The following C14orf39 variants were observed in gnomAD, a reference collection of about 807,000 sequenced individuals.
The protein encoded by C14orf39 is protein SIX6OS1.
A neutral mutation model predicts 85.6 loss-of-function variants in C14orf39; 66 were observed. The observed-to-expected ratio is 0.77, with a 90% CI of 0.63 to 0.95. The LOEUF (loss-of-function observed/expected upper bound fraction) is 0.95, where lower values mean the gene tolerates loss of function less well. C14orf39 is among the 40% of genes least tolerant of loss of function. C14orf39 has a pLI of 0.00. For missense variants in C14orf39, 735 were observed against 663.9 expected (o/e 1.11, Z -1.18); for synonymous variants, 242 against 214.0 (o/e 1.13, Z -1.14).
In C14orf39 at chr14:60,467,036, C is replaced by A; in HGVS notation, c.776G>T (p.Gly259Val). The A allele has an allele frequency of 7.5e-7, 1 of 1,338,996 alleles. No homozygotes were observed. The highest frequency in any genetic ancestry group is 9.8e-7 in the Non-Finnish European group (1 of 1,015,874). The allele number at this position is 1,338,996 out of a possible 1,614,324, so 82.9% of individuals were successfully genotyped here. A position where few individuals can be genotyped will look rare whatever the true frequency, so the allele number is the denominator to read the frequency against. Reference sequence around the variant, plus strand: ...CAATGTAAGTACATGCTCATCTTTTCCAAAAATTCTAAAGAGAAAGGTGAA... The same window carrying A: ...CAATGTAAGTACATGCTCATCTTTTACAAAAATTCTAAAGAGAAAGGTGAA... ...NRKELKERIF[G>V]KDEHVLTLNK... Residue 259 changes from glycine to valine, a missense_variant, in exon 10 of 18, where the codon GGA (glycine) becomes GTA (valine). By Grantham distance (109) the Gly-to-Val change is moderately radical. Coordinates refer to ENST00000321731, the MANE Select transcript of C14orf39 (RefSeq NM_174978.3).
At chr14:60,478,595 A>C (rs1036383822) in intron 4 of C14orf39, among the ~76,000 whole-genome samples, 7 of 152,192 alleles carry the variant, frequency 4.6e-5, no homozygotes, top group Admixed American at 3.3e-4. Flanking sequence ...ATCAATATTC[A>C]TGAATTTTTA....
At chr14:60,454,631 T>C (rs1215524940) in intron 16 of C14orf39, among the ~76,000 whole-genome samples, 1 of 152,038 alleles carries the variant, frequency 6.6e-6, no homozygotes, top group Non-Finnish European at 1.5e-5. Flanking sequence ...GTGATAATGC[T>C]ACTATGTATA....
chr14:60,475,343 G>T (rs898571560), intron 5 of C14orf39, among the ~76,000 whole-genome samples: 3 of 151,532 alleles, frequency 2.0e-5, no homozygotes, highest in Non-Finnish European at 4.4e-5. Flanking sequence ...TCAAAAAACC[G>T]GCTCCTACAC....
At chr14:60,503,773 A>G (rs1893173154) in intron 1 of C14orf39, among the ~76,000 whole-genome samples, 1 of 152,252 alleles carries the variant, frequency 6.6e-6, no homozygotes. Flanking sequence ...AATTTTAAGA[A>G]AAAACAAAAT....
Position 60,458,684 on chromosome 14 carries a change from A to C in C14orf39, c.1173T>G (p.Thr391=). 1 of 1,599,502 alleles carries C rather than the reference A, an allele frequency of 6.3e-7. No individual in the cohort carries two copies. Residue 391 remains threonine (T), a synonymous_variant, in exon 14 of 18, where the codon ACT becomes ACG. Transcript: ENST00000321731. ...GATCAAACATTTGACTTACTTGTGA[A>C]GTACATTTTGATTCTCTTACTTGTC... ...TVRQVRESKC[T]SQAIYTEHFG...
rs921859493 is a variant in C14orf39, at chr14:60,484,001, C to T, written c.107-184G>A. 6.6e-6 allele frequency among the ~76,000 whole-genome samples: 1 copy of T among 152,072 alleles called. No homozygotes were observed. On this transcript the variant is annotated intron_variant, in intron 3 of 17. Transcript: ENST00000321731. The surrounding 1 kb of genome is among the most constrained non-coding windows in gnomAD (Gnocchi z 4.2). ...GCAGAGAACCAGGGCCAGGCCTGATCCTAGAGCCAGAAGCTAAGAAGATTT... is the reference window on the plus strand; with the variant it reads ...GCAGAGAACCAGGGCCAGGCCTGATTCTAGAGCCAGAAGCTAAGAAGATTT...
chr14:60,509,250 C>A, intron 1 of C14orf39: 3 of 702,638 alleles, frequency 4.3e-6, no homozygotes, highest in East Asian at 2.7e-5. Context: ...CGCTCCCGGC[C>A]GTTGAGCCAC....
intron 16 of C14orf39, among the ~76,000 whole-genome samples, chr14:60,452,952 T>C (rs2140060329): frequency 6.6e-6 from 1 of 152,268 alleles, no homozygotes; most frequent in Non-Finnish European, 1.5e-5. Flanking sequence ...TTTAAATTCA[T>C]TAAGACTCAT....
chr14:60,437,918 T>C (rs377701173), intron 17 of C14orf39, among the ~76,000 whole-genome samples: 65 of 151,868 alleles, frequency 4.3e-4, no homozygotes, highest in African/African-American at 1.5e-3. Flanking sequence ...GGAAAAATAC[T>C]GTTTTTCACT....
chr14:60,466,793 T>G, intron 10 of C14orf39, 124 bp downstream of exon 10: 6 of 615,902 alleles, frequency 9.7e-6, no homozygotes, highest in Non-Finnish European at 1.4e-5. Flanking sequence ...AGTACTCTCT[T>G]GAGTTTATAG....
At chr14:60,514,298 A>G (rs933043582) in intron 1 of C14orf39, among the ~76,000 whole-genome samples, 1 of 152,176 alleles carries the variant, frequency 6.6e-6, no homozygotes, top group East Asian at 1.9e-4. Context: ...TCTCTATATA[A>G]TGGGTTTCCT....
At chr14:60,492,218 C>T (rs1893000371) in intron 2 of C14orf39, among the ~76,000 whole-genome samples, 1 of 152,196 alleles carries the variant, frequency 6.6e-6, no homozygotes, top group Non-Finnish European at 1.5e-5. Context: ...TAAAGACCTT[C>T]CACAGGAAGA....
At chr14:60,451,742 C>T (rs534568836) in intron 16 of C14orf39, among the ~76,000 whole-genome samples, 3 of 151,390 alleles carry the variant, frequency 2.0e-5, no homozygotes, top group Non-Finnish European at 4.4e-5. Context: ...ATGTAAATGA[C>T]GAGTTAATGG....
At chr14:60,471,522 A>T (rs771102171) in intron 6 of C14orf39, 30 bp downstream of exon 6, 32 of 1,572,286 alleles carry the variant, frequency 2.0e-5, no homozygotes, top group Middle Eastern at 3.5e-4. Flanking sequence ...AGATATCATA[A>T]TTAAAACAAT....
chr14:60,471,634 T>C lies in C14orf39; in HGVS notation c.429A>G (p.Arg143=). The C allele has an allele frequency of 6.2e-7, 1 of 1,611,190 alleles. No individual in the cohort carries two copies. ...PFSREYYEKK[R]EHEEIQSRVL... ...CTCTGCTTTGAATTTCTTCATGTTC[T>C]CTTTTCTTCTCATAATATTCACGTG... is the stretch of plus-strand genomic sequence containing the variant. Residue 143 remains arginine, a synonymous_variant, in exon 6 of 18, where the codon AGA becomes AGG. Coordinates refer to ENST00000321731, the MANE Select transcript of C14orf39 (RefSeq NM_174978.3).
At position 60,458,749 on chromosome 14, in the gene C14orf39, T is replaced by A; in HGVS notation, c.1118-10A>T. The A allele has an allele frequency of 6.3e-7, 1 of 1,581,812 alleles. No individual in the cohort carries two copies. Among genetic ancestry groups the A allele is most frequent in the Admixed American group, 1.8e-5 (1 of 56,576 alleles). On this transcript the variant is annotated splice_polypyrimidine_tract_variant and intron_variant, in intron 13 of 17. Transcript: ENST00000321731. ...TCTCCATACTCAGCATCTGTTGTCA[T>A]ATGAGAACAAACTATTTTTCTTTTT...
chr14:60,458,182 C>T (rs1159835935), intron 14 of C14orf39, among the ~76,000 whole-genome samples: 2 of 151,868 alleles, frequency 1.3e-5, no homozygotes, highest in Admixed American at 6.6e-5. Context: ...GGCTGTAAGC[C>T]GTAGTCACCA....
chr14:60,446,565 C>A (rs1429172957), intron 16 of C14orf39, among the ~76,000 whole-genome samples: 1 of 152,104 alleles, frequency 6.6e-6, no homozygotes, highest in Non-Finnish European at 1.5e-5. Context: ...TAATAGCCTA[C>A]CAACCAAAAA....
intron 16 of C14orf39, among the ~76,000 whole-genome samples, chr14:60,444,520 A>C (rs906054368): frequency 6.6e-6 from 1 of 152,294 alleles, no homozygotes; most frequent in Non-Finnish European, 1.5e-5. Flanking sequence ...AAAAGAAACA[A>C]ACGAAGCCTC....
Sources: allele counts gnomAD v4.1 joint callset (sites outside exome capture counted in the v4.1 genomes callset), GRCh38; gene constraint gnomAD v4.1.1; non-coding constraint Gnocchi (gnomAD v3.1); transcripts MANE v1.5; gene names NCBI Gene and HGNC (gene_info 2026-07-23, HGNC 2026-07-21).